Variants in MAST3 observed in about 807,000 individuals in gnomAD.
The protein encoded by MAST3 is microtubule-associated serine/threonine-protein kinase 3.
MAST3 carries 43 observed loss-of-function variants against 127.0 expected under a neutral mutation model. That is an observed-to-expected ratio of 0.34 (90% CI 0.27 to 0.44). MAST3 has a LOEUF of 0.44. MAST3 is among the 20% of genes least tolerant of loss of function. MAST3 has a pLI of 1.00. For missense variants in MAST3, 1,390 were observed against 1,919.1 expected (o/e 0.72, Z 5.15); for synonymous variants, 785 against 809.2 (o/e 0.97, Z 0.51).
intron 3 of MAST3, among the ~76,000 whole-genome samples, chr19:18,117,621 C>T (rs2039428453): frequency 1.3e-5 from 2 of 152,166 alleles, no homozygotes; most frequent in Middle Eastern, 3.4e-3. Context: ...CCAGGGTGGG[C>T]GTGGTAGCAT....
Position 18,144,346 on chromosome 19 carries a change from T to C in MAST3, c.2585-120T>C. 1 of 886,794 alleles carries C rather than the reference T, an allele frequency of 1.1e-6. No homozygotes were observed. The highest frequency in any genetic ancestry group is 1.7e-6 in the Non-Finnish European group (1 of 578,924). The allele number at this position is 886,794 out of a possible 1,614,324, so 54.9% of individuals were successfully genotyped here. A position where few individuals can be genotyped will look rare whatever the true frequency, so the allele number is the denominator to read the frequency against. On this transcript the variant is annotated intron_variant, in intron 22 of 27. Coordinates refer to ENST00000687212, the MANE Select transcript of MAST3 (RefSeq NM_001393504.1). This position sits in a 1 kb window ranked among gnomAD's most constrained non-coding sequence, Gnocchi z 4.0. ...GGGAGTGCAGGAAGAGGGAACTGCATGAGCAAAGGCCAGGAGGCTGGACTG... is the reference window on the plus strand; with the variant it reads ...GGGAGTGCAGGAAGAGGGAACTGCACGAGCAAAGGCCAGGAGGCTGGACTG...
intron 3 of MAST3, among the ~76,000 whole-genome samples, chr19:18,117,651 G>A (rs1287075436): frequency 6.6e-6 from 1 of 152,210 alleles, no homozygotes; most frequent in Admixed American, 6.5e-5. Flanking sequence ...AGGACGCTGG[G>A]GTGGGTCTTG....
intron 21 of MAST3, among the ~76,000 whole-genome samples, chr19:18,143,229 G>T (rs1300574910): frequency 6.6e-6 from 1 of 151,922 alleles, no homozygotes; most frequent in Non-Finnish European, 1.5e-5. Flanking sequence ...CTCCCAAAGT[G>T]CTGGAATTAT....
At chr19:18,102,381 G>A (rs537843813) in intron 1 of MAST3, among the ~76,000 whole-genome samples, 126 of 151,164 alleles carry the variant, frequency 8.3e-4, no homozygotes, top group African/African-American at 3.0e-3. Context: ...GTTTCTCCAT[G>A]TTGGTCAGGC....
intron 18 of MAST3, 102 bp from the exon 19 acceptor site, chr19:18,137,137 G>C: frequency 1.4e-6 from 2 of 1,452,704 alleles, no homozygotes; most frequent in South Asian, 2.6e-5. Context: ...TTCTGGTTCT[G>C]TGTTGTCCCT....
chr19:18,135,082 G>A (rs2041752019), intron 17 of MAST3, 100 bp downstream of exon 17: 3 of 1,411,750 alleles, frequency 2.1e-6, no homozygotes, highest in South Asian at 2.7e-5. Flanking sequence ...AGGAAGAGGG[G>A]AGGGAGTTGG....
intron 25 of MAST3, among the ~76,000 whole-genome samples, chr19:18,146,617 A>T (rs992516652): frequency 6.6e-6 from 1 of 152,102 alleles, no homozygotes; most frequent in African/African-American, 2.4e-5. Flanking sequence ...TAGGTGGGTG[A>T]CAGACCCCGG....
chr19:18,143,693 C>T, intron 21 of MAST3, 70 bp from the exon 22 acceptor site: 1 of 1,586,704 alleles, frequency 6.3e-7, no homozygotes, highest in East Asian at 2.2e-5. Flanking sequence ...AAGATGTGGC[C>T]ATGAAGGTGG....
intron 14 of MAST3, 129 bp from the exon 15 acceptor site, chr19:18,131,780 A>C: frequency 3.0e-6 from 3 of 996,840 alleles, no homozygotes; most frequent in Non-Finnish European, 4.5e-6. Context: ...CCCCGCTGAG[A>C]TAGAACAAAC....
rs948700548 is a variant in MAST3 at position 18,112,317 on chromosome 19, G to A, written c.161+1576G>A. ...GCGGAGACTACAGGCGTGCCACCAC[G>A]CCCGGCTAATTTTTTGTTTGTTTGT... On this transcript the variant is annotated intron_variant, in intron 3 of 27. Coordinates refer to ENST00000687212, the MANE Select transcript of MAST3 (RefSeq NM_001393504.1). The surrounding 1 kb of genome is among the most constrained non-coding windows in gnomAD (Gnocchi z 4.1). Among the ~76,000 whole-genome samples, 32 of 152,050 alleles carry A rather than the reference G, an allele frequency of 2.1e-4. No homozygotes were observed. The highest frequency in any genetic ancestry group is 1.7e-3 in the Admixed American group (26 of 15,260).
intron 1 of MAST3, 76 bp downstream of exon 1, chr19:18,097,907 G>T: frequency 8.7e-7 from 1 of 1,148,032 alleles, no homozygotes; most frequent in Non-Finnish European, 1.1e-6. Context: ...GCCGGGAGGG[G>T]CGGGGCCTTC....
chr19:18,148,208 G>C (rs1040563248), intron 27 of MAST3, among the ~76,000 whole-genome samples: 1 of 152,090 alleles, frequency 6.6e-6, no homozygotes, highest in Non-Finnish European at 1.5e-5. Context: ...GGCTGAGGCA[G>C]GAGAATCGCT....
chr19:18,123,155 G>A, intron 6 of MAST3, 62 bp from the exon 7 acceptor site: 1 of 1,585,806 alleles, frequency 6.3e-7, no homozygotes, highest in Admixed American at 1.7e-5. Flanking sequence ...GGGTGGTGCT[G>A]GGTTCCTGGC....
rs1465838127 is a variant in MAST3 at position 18,150,366 on chromosome 19, G to A, written c.*640G>A. The A allele has an allele frequency of 6.6e-6, 1 of 152,328 alleles. No homozygotes were observed. 9.4% of individuals were successfully genotyped at this position (152,328 alleles called of 1,614,324 possible). On this transcript the variant is annotated 3_prime_UTR_variant, in exon 28 of 28. Transcript: ENST00000687212. The stretch of plus-strand genomic sequence containing the variant: ...TGCCAGGTCTTGCCCCAGGCACCTG[G>A]GACTCTGTTTGCAGGCCCTGCCCTC...
intron 1 of MAST3, among the ~76,000 whole-genome samples, chr19:18,102,231 A>G (rs1389867518): frequency 2.0e-5 from 3 of 149,132 alleles, no homozygotes; most frequent in Non-Finnish European, 3.0e-5. Context: ...CCCAGGCTGG[A>G]GTGCAATGGC....
chr19:18,140,931 T>C (rs1374898101), intron 20 of MAST3, among the ~76,000 whole-genome samples: 2 of 151,506 alleles, frequency 1.3e-5, no homozygotes, highest in Non-Finnish European at 2.9e-5. Context: ...GTAGCTGGGA[T>C]TACAGGTGCG....
At chr19:18,099,239 G>A (rs2037328415) in intron 1 of MAST3, among the ~76,000 whole-genome samples, 1 of 151,170 alleles carries the variant, frequency 6.6e-6, no homozygotes, top group Admixed American at 6.6e-5. Flanking sequence ...GGGCTGAGCT[G>A]CAGATCAGAG....
In MAST3 at chr19:18,144,047, G is replaced by A; in HGVS notation, c.2584+40G>A. On this transcript the variant is annotated intron_variant, in intron 22 of 27. Transcript: ENST00000687212. This position sits in a 1 kb window ranked among gnomAD's most constrained non-coding sequence, Gnocchi z 4.0. ...GAGTAAGAGGGATGATGTCATGGAA[G>A]TTTCCCAGAGGAGGGGCTATTTGAG... 6.5e-7 allele frequency: 1 copy of A among 1,544,884 alleles called. No individual in the cohort carries two copies. Among genetic ancestry groups the A allele is most frequent in the Non-Finnish European group, 8.7e-7 (1 of 1,145,042 alleles).
In MAST3 at chr19:18,147,484, T is replaced by C; in HGVS notation, c.3368T>C (p.Val1123Ala). The change falls in exon 27 of 28, where the codon GTG becomes GCG. Residue 1123 changes from valine to alanine, a missense_variant. Around this residue, in one of 5 missense-constraint regions of MAST3, gnomAD observed 816 missense variants for 934.1 expected, o/e 0.87. Coordinates refer to ENST00000687212, the MANE Select transcript of MAST3 (RefSeq NM_001393504.1). The stretch of plus-strand genomic sequence containing the variant: ...AAGAAGATCTCCAAGCAGACCTCCG[T>C]GCTGCACACCAGCCGCAGCTTCTCC... The part of the protein sequence containing the change: ...LFKKISKQTS[V>A]LHTSRSFSSG... The C allele has an allele frequency of 6.2e-7, 1 of 1,613,312 alleles. No homozygotes were observed. Among genetic ancestry groups the C allele is most frequent in the Non-Finnish European group, 8.5e-7 (1 of 1,179,666 alleles).
Sources: gnomAD v4.1 joint callset for allele counts (sites outside exome capture counted in the v4.1 genomes callset) on GRCh38, gnomAD v4.1.1 for gene constraint, gnomAD v4.1.1 regional missense constraint, Gnocchi (gnomAD v3.1) non-coding constraint, MANE v1.5 for transcripts, NCBI Gene and HGNC (gene_info 2026-07-23, HGNC 2026-07-21) for gene names.